PDE4D: variants seen among roughly 807,000 people sequenced by gnomAD.
PDE4D encodes the protein 3',5'-cyclic-AMP phosphodiesterase 4D.
In PDE4D, 24 loss-of-function variants were observed where a neutral mutation model predicts 87.4. The ratio of observed to expected loss-of-function variants is 0.27; its 90% CI spans 0.20 to 0.39. The LOEUF is 0.39. PDE4D is among the 10% of genes least tolerant of loss of function. The pLI, the probability that PDE4D is intolerant of heterozygous loss-of-function variation, is 1.00. For missense variants in PDE4D, 714 were observed against 1,041.0 expected, an observed-to-expected ratio of 0.69 and a Z score of 4.32; for synonymous variants, 384 against 383.2, an observed-to-expected ratio of 1.00 and a Z score of -0.02.
At chr5:59,578,846 G>A (rs1823596800) in intron 1 of PDE4D, among the ~76,000 whole-genome samples, 1 of 152,034 alleles carries the variant, frequency 6.6e-6, no homozygotes, top group Non-Finnish European at 1.5e-5. Context: ...TCCCAGCTCT[G>A]TATCAGAATA....
At chr5:59,644,589 C>G in intron 1 of PDE4D, among the ~76,000 whole-genome samples, 1 of 152,098 alleles carries the variant, frequency 6.6e-6, no homozygotes, top group South Asian at 2.1e-4. Context: ...AGAATTTAAC[C>G]CACTTGTTTA....
chr5:59,420,911 T>C (rs968672967), intron 1 of PDE4D, among the ~76,000 whole-genome samples: 2 of 152,076 alleles, frequency 1.3e-5, no homozygotes, highest in Non-Finnish European at 2.9e-5. Context: ...GAGGGCGATT[T>C]AGGAAAACTG....
intron 5 of PDE4D, among the ~76,000 whole-genome samples, chr5:59,154,121 C>CA (rs1779836098): frequency 6.6e-6 from 1 of 152,094 alleles, no homozygotes; most frequent in Non-Finnish European, 1.5e-5. Context: ...CTGATTTTAT[C>CA]ATGGATGATG....
chr5:60,054,482 G>A (rs557250267), intron 2 of PDE4D, among the ~76,000 whole-genome samples: 1 of 152,216 alleles, frequency 6.6e-6, no homozygotes, highest in Non-Finnish European at 1.5e-5. Flanking sequence ...TTTGAACAAT[G>A]AGAACACATG....
intron 1 of PDE4D, among the ~76,000 whole-genome samples, chr5:59,225,496 T>G (rs1008163437): frequency 6.6e-6 from 1 of 152,206 alleles, no homozygotes; most frequent in Non-Finnish European, 1.5e-5. Context: ...TTTTGTGGTT[T>G]CTTATGAAGA....
At chr5:60,147,179 G>C (rs1272186938) in intron 2 of PDE4D, among the ~76,000 whole-genome samples, 2 of 152,222 alleles carry the variant, frequency 1.3e-5, no homozygotes, top group Non-Finnish European at 2.9e-5. Context: ...CACAGGCAAA[G>C]CGTGAACTCT....
At chr5:59,604,184 A>G (rs1827881744) in intron 1 of PDE4D, among the ~76,000 whole-genome samples, 2 of 149,276 alleles carry the variant, frequency 1.3e-5, no homozygotes, top group African/African-American at 4.9e-5. Context: ...GACAGACCTG[A>G]GTCTCTTATT....
chr5:59,437,090 T>G (rs538450024), intron 1 of PDE4D, among the ~76,000 whole-genome samples: 1 of 152,306 alleles, frequency 6.6e-6, no homozygotes, highest in African/African-American at 2.4e-5. Context: ...ACAAACCTAT[T>G]ATATATCCAA....
intron 1 of PDE4D, among the ~76,000 whole-genome samples, chr5:60,197,081 A>T (rs3989108): frequency 0.062 from 7,808 of 125,644 alleles, 520 homozygotes; most frequent in African/African-American, 0.085. Context: ...AGACAGTTAG[A>T]TAGATAGATA....
intron 5 of PDE4D, among the ~76,000 whole-genome samples, chr5:59,115,644 AT>A (rs1773475284): frequency 6.6e-6 from 1 of 152,178 alleles, no homozygotes; most frequent in Non-Finnish European, 1.5e-5. Context: ...TTCCTTCCTT[AT>A]GCTGATCTAT....
intron 1 of PDE4D, among the ~76,000 whole-genome samples, chr5:59,374,166 C>T (rs928030063): frequency 1.3e-5 from 2 of 152,144 alleles, no homozygotes; most frequent in Non-Finnish European, 2.9e-5. Context: ...GAATCAAATT[C>T]ACACATAACA....
chr5:59,756,166 A>T (rs1159308892), intron 1 of PDE4D, among the ~76,000 whole-genome samples: 1 of 151,948 alleles, frequency 6.6e-6, no homozygotes, highest in Non-Finnish European at 1.5e-5. Context: ...AAACACTGAA[A>T]ATGAAACTAT....
At chr5:59,238,495 T>C (rs1278126301) in intron 1 of PDE4D, among the ~76,000 whole-genome samples, 1 of 152,212 alleles carries the variant, frequency 6.6e-6, no homozygotes, top group Non-Finnish European at 1.5e-5. Context: ...TATGTATTTA[T>C]GAATGGAGAA....
rs556319752 is a variant in PDE4D at position 58,980,215 on chromosome 5, CAT to C, written c.1553-2872_1553-2871del. ...GTCCCTTGGGGACATCTTTTATACA[CAT>C]AAATATTTACATAGACATACTCATA... On this transcript the variant is annotated intron_variant, in intron 11 of 14. Coordinates refer to ENST00000340635, the MANE Select transcript of PDE4D (RefSeq NM_001104631.2). Among the ~76,000 whole-genome samples, 52 of 152,206 alleles carry C rather than the reference CAT, an allele frequency of 3.4e-4. 1 individual carries two copies. The highest frequency in any genetic ancestry group is 3.2e-3 in the Admixed American group (49 of 15,288).
At chr5:59,176,703 C>T (rs1783945568) in intron 5 of PDE4D, among the ~76,000 whole-genome samples, 2 of 152,150 alleles carry the variant, frequency 1.3e-5, no homozygotes, top group East Asian at 1.9e-4. Flanking sequence ...AAGTTCTTAA[C>T]TCTTCTTTTT....
At chr5:59,664,351 A>G (rs1010463176) in intron 1 of PDE4D, among the ~76,000 whole-genome samples, 3 of 152,226 alleles carry the variant, frequency 2.0e-5, no homozygotes, top group African/African-American at 7.2e-5. Flanking sequence ...GGTGCTATGT[A>G]TGAATATATT....
chr5:59,707,142 T>C (rs956350844), intron 1 of PDE4D, among the ~76,000 whole-genome samples: 9 of 152,202 alleles, frequency 5.9e-5, no homozygotes, highest in African/African-American at 1.9e-4. Flanking sequence ...TACGTCTTCT[T>C]AGCTGTACAC....
chr5:59,291,492 T>C lies in PDE4D; in HGVS notation c.456-75524A>G, dbSNP rs145335452. 1.3e-3 allele frequency among the ~76,000 whole-genome samples: 191 copies of C among 151,984 alleles called. 1 individual carries two copies. Among genetic ancestry groups the C allele is most frequent in the African/African-American group, 4.2e-3 (173 of 41,478 alleles). On this transcript the variant is annotated intron_variant, in intron 1 of 14. Transcript: ENST00000340635. ...TATAAAAAAATGTAATTAGATAGAATCAATAAGAGCTAATATTTGATAGTA... is the reference window on the plus strand; with the variant it reads ...TATAAAAAAATGTAATTAGATAGAACCAATAAGAGCTAATATTTGATAGTA...
At chr5:60,103,085 T>C (rs186297467) in intron 2 of PDE4D, among the ~76,000 whole-genome samples, 1 of 151,880 alleles carries the variant, frequency 6.6e-6, no homozygotes, top group Admixed American at 6.6e-5. Context: ...GCACTATGAG[T>C]CCTATTAATT....
Sources: allele counts gnomAD v4.1 joint callset (sites outside exome capture counted in the v4.1 genomes callset), GRCh38; gene constraint gnomAD v4.1.1; transcripts MANE v1.5; gene names NCBI Gene and HGNC (gene_info 2026-07-23, HGNC 2026-07-21).